Variants in KIAA1217 observed in about 807,000 individuals in gnomAD.
The protein encoded by KIAA1217 is sickle tail protein homolog.
In KIAA1217, 88 loss-of-function variants were observed where a neutral mutation model predicts 163.9. That is an observed-to-expected ratio of 0.54 (90% CI 0.45 to 0.64). The LOEUF (loss-of-function observed/expected upper bound fraction) is 0.64, where lower values mean the gene tolerates loss of function less well. Among genes scored for constraint, KIAA1217 ranks in the 30% least tolerant of loss-of-function variants. The pLI is 0.00. For missense variants in KIAA1217, 2,372 were observed against 2,475.0 expected, an observed-to-expected ratio of 0.96 and a Z score of 0.88; for synonymous variants, 903 against 923.1, an observed-to-expected ratio of 0.98 and a Z score of 0.39.
chr10:23,861,172 C>T (rs1023412057), intron 1 of KIAA1217, among the ~76,000 whole-genome samples: 3 of 152,042 alleles, frequency 2.0e-5, no homozygotes, highest in Non-Finnish European at 4.4e-5. Flanking sequence ...TCTGGACTCC[C>T]AAAATGCTGG....
At chr10:24,514,861 G>A (rs1256492474) in intron 10 of KIAA1217, among the ~76,000 whole-genome samples, 1 of 151,740 alleles carries the variant, frequency 6.6e-6, no homozygotes, top group African/African-American at 2.4e-5. Context: ...CCATTGTGGT[G>A]TGTGCCTGTA....
chr10:23,791,293 C>A (rs1035680790), intron 1 of KIAA1217, among the ~76,000 whole-genome samples: 2 of 151,928 alleles, frequency 1.3e-5, no homozygotes, highest in East Asian at 1.9e-4. Context: ...ATATGATAAG[C>A]CCATATGTAT....
chr10:23,851,246 G>A (rs902594981), intron 1 of KIAA1217, among the ~76,000 whole-genome samples: 10 of 152,012 alleles, frequency 6.6e-5, no homozygotes, highest in Non-Finnish European at 1.5e-4. Context: ...TCCCACCTAT[G>A]AGTGAGAACA....
intron 5 of KIAA1217, among the ~76,000 whole-genome samples, chr10:24,446,766 C>A (rs2060969754): frequency 6.6e-6 from 1 of 152,168 alleles, no homozygotes; most frequent in Non-Finnish European, 1.5e-5. Context: ...CACACCTATA[C>A]AATGTGAGAG....
At chr10:23,864,072 G>GTTATTA (rs148144520) in intron 1 of KIAA1217, among the ~76,000 whole-genome samples, 5,732 of 149,134 alleles carry the variant, frequency 0.038, 200 homozygotes, top group African/African-American at 0.088. Flanking sequence ...TTGTAAAGTA[G>GTTATTA]TTATTATTAT....
chr10:24,157,834 A>T lies in KIAA1217; in HGVS notation c.-170-61792A>T. ...AATATAAAATAGAAGTTCCTGATGC[A>T]ATGGCAGCCTTTGCCATGGAACTCC... is the stretch of plus-strand genomic sequence containing the variant. On this transcript the variant is annotated intron_variant, in intron 2 of 18. Transcript: ENST00000376462. The T allele has an allele frequency of 5.8e-6, 3 of 512,826 alleles. No homozygotes were observed. The South Asian group carries it at 9.5e-5, about 16-fold the overall frequency. The allele number at this position is 512,826 out of a possible 1,614,324, so 31.8% of individuals were successfully genotyped here.
At position 24,064,075 on chromosome 10, in the gene KIAA1217, T is replaced by C. The variant is rs147642754; in HGVS notation, c.-171+56701T>C. 6.1e-3 allele frequency among the ~76,000 whole-genome samples: 927 copies of C among 152,344 alleles called. 10 individuals are homozygous for C. Among genetic ancestry groups the C allele is most frequent in the African/African-American group, 0.021 (860 of 41,580 alleles). ...ATGGGGTTTTCTAGATACACAATCATGTCATCTGCAAACAGGGAGAATTTG... is the reference window on the plus strand; with the variant it reads ...ATGGGGTTTTCTAGATACACAATCACGTCATCTGCAAACAGGGAGAATTTG... On this transcript the variant is annotated intron_variant, in intron 2 of 18. Transcript: ENST00000376462.
At chr10:24,378,096 T>C (rs2052764625) in intron 2 of KIAA1217, among the ~76,000 whole-genome samples, 1 of 152,308 alleles carries the variant, frequency 6.6e-6, no homozygotes, top group Non-Finnish European at 1.5e-5. Context: ...CACTTTTTTC[T>C]GTTTCACTTT....
intron 1 of KIAA1217, among the ~76,000 whole-genome samples, chr10:23,829,368 A>G (rs1321768909): frequency 1.3e-5 from 2 of 152,174 alleles, no homozygotes; most frequent in African/African-American, 2.4e-5. Context: ...GAGGAAGGCA[A>G]ACTCTCAGCT....
chr10:24,413,709 C>T (rs1007012886), intron 3 of KIAA1217, among the ~76,000 whole-genome samples: 1 of 152,204 alleles, frequency 6.6e-6, no homozygotes, highest in Non-Finnish European at 1.5e-5. Context: ...CTCAAGAAAA[C>T]TTGCTTTTCC....
rs188863429 is a variant in KIAA1217 at position 23,841,963 on chromosome 10, G to C, written c.-321+146729G>C. Among the ~76,000 whole-genome samples, 723 of 151,828 alleles carry C rather than the reference G, an allele frequency of 4.8e-3. 9 individuals are homozygous for C. The highest frequency in any genetic ancestry group is 0.016 in the African/African-American group (653 of 41,364). ...GCTCACTGCAACCTCTGCCTCCCAG[G>C]TTCAAGCTATTCTCCAGCCTCAACC... On this transcript the variant is annotated intron_variant, in intron 1 of 18. Coordinates refer to the KIAA1217 transcript ENST00000376462.
rs180986363 is a variant in KIAA1217, at chr10:24,266,905, C to T, written c.354+46996C>T. ...CCTTGCTACTGCTCACGCTTTGGGT[C>T]GGTGCCATCTTTAAAAGCTGTAACA... On this transcript the variant is annotated intron_variant, in intron 2 of 20. Coordinates refer to ENST00000376454, the MANE Select transcript of KIAA1217 (RefSeq NM_019590.5). 1.8e-3 allele frequency among the ~76,000 whole-genome samples: 279 copies of T among 152,252 alleles called. 1 individual carries two copies. Among genetic ancestry groups the T allele is most frequent in the Middle Eastern group, 3.4e-3 (1 of 294 alleles).
At chr10:24,144,163 T>C (rs543420049) in intron 2 of KIAA1217, among the ~76,000 whole-genome samples, 1 of 152,360 alleles carries the variant, frequency 6.6e-6, no homozygotes, top group South Asian at 2.1e-4. Flanking sequence ...TATTCATATG[T>C]TCATTCCAAT....
At chr10:24,166,622 C>T (rs1367620787) in intron 2 of KIAA1217, among the ~76,000 whole-genome samples, 1 of 152,092 alleles carries the variant, frequency 6.6e-6, no homozygotes, top group Non-Finnish European at 1.5e-5. Flanking sequence ...CCTGTAATTC[C>T]AGTTACTTGG....
At chr10:23,805,213 A>G (rs11815424) in intron 1 of KIAA1217, among the ~76,000 whole-genome samples, 45,770 of 152,046 alleles carry the variant, frequency 0.3, 7,630 homozygotes, top group African/African-American at 0.45. Flanking sequence ...AGACACATAC[A>G]TGCGTATGTT....
At position 24,543,264 on chromosome 10, in the gene KIAA1217, G is replaced by A. The variant is rs1296891600; in HGVS notation, c.3994G>A (p.Asp1332Asn). Residue 1332 changes from aspartate (D) to asparagine (N), a missense_variant, in exon 19 of 21, where the codon GAT (aspartate) becomes AAT (asparagine). Coordinates refer to ENST00000376454, the MANE Select transcript of KIAA1217 (RefSeq NM_019590.5). ...HTRLTESSVH[D>N]FKTEDQEVIT... ...TAGACTAACAGAATCAAGCGTGCAT[G>A]ATTTTAAAACAGAAGATCAAGAGGT... 3 of 1,614,016 alleles carry A rather than the reference G, an allele frequency of 1.9e-6. No individual in the cohort carries two copies.
At chr10:23,978,769 A>AATAACT (rs1374642523) in intron 1 of KIAA1217, among the ~76,000 whole-genome samples, 1 of 152,144 alleles carries the variant, frequency 6.6e-6, no homozygotes, top group Non-Finnish European at 1.5e-5. Flanking sequence ...CTAAAGACAA[A>AATAACT]ATAACTATAA....
At chr10:23,934,581 ATATATATATGTATATATATATATATG>A (rs1564545615) in intron 1 of KIAA1217, among the ~76,000 whole-genome samples, 2 of 65,890 alleles carry the variant, frequency 3.0e-5, no homozygotes, top group Non-Finnish European at 4.9e-5. Flanking sequence ...ATATATATAT[ATATATATATGTATATATATATATATG>A]TATATATATA....
At chr10:24,382,020 T>C (rs1169190745) in intron 3 of KIAA1217, among the ~76,000 whole-genome samples, 4 of 150,498 alleles carry the variant, frequency 2.7e-5, no homozygotes, top group Non-Finnish European at 5.9e-5. Flanking sequence ...TCATTTCCTT[T>C]TTTTTTTTTT....
Sources: gnomAD v4.1 joint callset for allele counts (sites outside exome capture counted in the v4.1 genomes callset) on GRCh38, gnomAD v4.1.1 for gene constraint, MANE v1.5 for transcripts, NCBI Gene and HGNC (gene_info 2026-07-23, HGNC 2026-07-21) for gene names.